BUD31: variants seen among roughly 807,000 people sequenced by gnomAD.
The protein encoded by BUD31 is BUD31 spliceosome associated protein.
A neutral mutation model predicts 17.9 loss-of-function variants in BUD31; 9 were observed. That is an observed-to-expected ratio of 0.50 (90% confidence interval 0.30 to 0.88). BUD31 has a LOEUF of 0.88. Among genes scored for constraint, BUD31 ranks in the 40% least tolerant of loss-of-function variants. The pLI, the probability that BUD31 is intolerant of heterozygous loss-of-function variation, is 0.06. For synonymous variants in BUD31, 70 were observed against 64.7 expected (o/e 1.08, Z -0.39); for missense variants, 148 against 184.5 (o/e 0.80, Z 1.15).
intron 5 of BUD31, chr7:99,418,681 C>G (rs548180327): frequency 1.3e-5 from 2 of 152,502 alleles, no homozygotes; most frequent in African/African-American, 2.4e-5. Flanking sequence ...GGCAGAAGCC[C>G]CCTTCCTCTG....
chr7:99,412,815 G>C (rs955972204), intron 3 of BUD31, among the ~76,000 whole-genome samples: 1 of 151,100 alleles, frequency 6.6e-6, no homozygotes, highest in African/African-American at 2.4e-5. Context: ...TAGAGACGGG[G>C]TTTCACCATG....
At chr7:99,413,341 C>T (rs1437100362) in intron 3 of BUD31, among the ~76,000 whole-genome samples, 3 of 152,178 alleles carry the variant, frequency 2.0e-5, no homozygotes, top group Non-Finnish European at 4.4e-5. Flanking sequence ...GTATGAGTGC[C>T]ACCTGATCCT....
chr7:99,411,645 T>C (rs935697747), intron 3 of BUD31: 23 of 453,228 alleles, frequency 5.1e-5, no homozygotes, highest in Non-Finnish European at 9.3e-5. Context: ...AAATTTTATC[T>C]GAAGCCACAA....
chr7:99,419,052 A>C, intron 5 of BUD31: 3 of 312,324 alleles, frequency 9.6e-6, no homozygotes. Flanking sequence ...AAACAGTAGC[A>C]GAGCCACGTC....
Position 99,417,418 on chromosome 7 carries a change from C to G in BUD31, c.218-11C>G, listed in dbSNP as rs781370378. On this transcript the variant is annotated splice_polypyrimidine_tract_variant and intron_variant, in intron 4 of 5. Transcript: ENST00000222969. ...CCATGGCCTGATGCTCTTTCCCCAT[C>G]TTTTTGACAGAACTCTATGAATATT... is the stretch of plus-strand genomic sequence containing the variant. The G allele has an allele frequency of 6.2e-7, 1 of 1,613,458 alleles. No homozygotes were observed. Among genetic ancestry groups the G allele is most frequent in the East Asian group, 2.2e-5 (1 of 44,890 alleles).
chr7:99,410,825 G>T (rs1282394192), intron 2 of BUD31, among the ~76,000 whole-genome samples: 2 of 152,218 alleles, frequency 1.3e-5, no homozygotes, highest in East Asian at 3.8e-4. Context: ...ACATAAGGTA[G>T]CTTCCATTAT....
At chr7:99,414,744 C>T (rs1280278593) in intron 3 of BUD31, among the ~76,000 whole-genome samples, 4 of 151,984 alleles carry the variant, frequency 2.6e-5, no homozygotes, top group South Asian at 4.2e-4. Context: ...TACAGGCATG[C>T]GCCACCATGC....
At chr7:99,410,986 C>T (rs1795158761) in intron 2 of BUD31, 78 bp from the exon 3 acceptor site, 12 of 908,052 alleles carry the variant, frequency 1.3e-5, no homozygotes. Flanking sequence ...TCAAGGAAGT[C>T]AGCCTGTACC....
At chr7:99,418,057 T>G in intron 5 of BUD31, 1 of 1,014,930 alleles carries the variant, frequency 9.9e-7, no homozygotes, top group South Asian at 2.3e-5. Flanking sequence ...AACCTCCACC[T>G]CCCGGGTTCA....
chr7:99,414,573 A>C (rs1231505170), intron 3 of BUD31, among the ~76,000 whole-genome samples: 1 of 152,082 alleles, frequency 6.6e-6, no homozygotes, highest in Non-Finnish European at 1.5e-5. Flanking sequence ...GTGTTGTAGA[A>C]TATATCAGTA....
chr7:99,410,561 TACTC>T (rs1795139711), intron 2 of BUD31, among the ~76,000 whole-genome samples: 1 of 152,018 alleles, frequency 6.6e-6, no homozygotes, highest in Non-Finnish European at 1.5e-5. Context: ...CCTTTTTAAA[TACTC>T]ACCCCCATGG....
rs1475834882 is a variant in BUD31, at chr7:99,416,164, A to C, written c.121A>C (p.Arg41=). 6 of 1,613,872 alleles carry C rather than the reference A, an allele frequency of 3.7e-6. No individual in the cohort carries two copies. The African/African-American group carries it at 8.0e-5, about 22-fold the overall frequency. The change falls in exon 4 of 6, where the codon AGG becomes CGG. Residue 41 remains arginine (R), a synonymous_variant. Coordinates refer to ENST00000222969, the MANE Select transcript of BUD31 (RefSeq NM_003910.4). The part of the protein sequence containing the change: ...EAETEPHEGK[R]KVESLWPIFR... The stretch of plus-strand genomic sequence containing the variant: ...TGAAACAGAACCGCATGAGGGAAAG[A>C]GGAAAGTGGAATCTCTGTGGCCCAT...
intron 4 of BUD31, 40 bp from the exon 5 acceptor site, chr7:99,417,389 T>TA (rs771849619): frequency 1.2e-5 from 20 of 1,606,198 alleles, no homozygotes; most frequent in Non-Finnish European, 8.5e-7. Context: ...GGAAGGTTTT[T>TA]AGACCATGGC....
intron 3 of BUD31, among the ~76,000 whole-genome samples, chr7:99,414,116 T>G (rs1795292129): frequency 6.6e-6 from 1 of 152,116 alleles, no homozygotes. Context: ...CAATTATGTT[T>G]AAATTACTTA....
chr7:99,419,145 G>A (rs1460485911), intron 5 of BUD31: 1 of 553,052 alleles, frequency 1.8e-6, no homozygotes, highest in Non-Finnish European at 3.2e-6. Context: ...ATTGGCAAAC[G>A]TGTGTTGGAT....
At chr7:99,419,131 C>CTTGA in intron 5 of BUD31, 1 of 540,350 alleles carries the variant, frequency 1.9e-6, no homozygotes, top group South Asian at 2.1e-5. Flanking sequence ...ATTTCTTTTT[C>CTTGA]TTGATTGGCA....
intron 3 of BUD31, among the ~76,000 whole-genome samples, chr7:99,415,589 G>T (rs1795390471): frequency 6.6e-6 from 1 of 152,032 alleles, no homozygotes; most frequent in Non-Finnish European, 1.5e-5. Context: ...CCGGGGAAAG[G>T]GAGATTCCCT....
intron 4 of BUD31, chr7:99,416,940 C>T (rs969752344): frequency 6.2e-6 from 1 of 162,402 alleles, no homozygotes; most frequent in Non-Finnish European, 1.4e-5. Context: ...TTTCTTAACT[C>T]AAATGATCCT....
rs926826679 is a variant in BUD31 at position 99,418,007 on chromosome 7, G to A, written c.384+412G>A. 14 of 1,157,640 alleles carry A rather than the reference G, an allele frequency of 1.2e-5. No individual in the cohort carries two copies. The African/African-American group carries it at 2.0e-4, about 16-fold the overall frequency. 71.7% of individuals were successfully genotyped at this position (1,157,640 alleles called of 1,614,324 possible). The stretch of plus-strand genomic sequence containing the variant: ...CCCCAAGACGGAGTCTTGCTTTGTC[G>A]CCCAGGCTGGAGTGCAGTGATGCCA... On this transcript the variant is annotated intron_variant, in intron 5 of 5. Transcript: ENST00000222969.
Sources: gnomAD v4.1 joint callset for allele counts (sites outside exome capture counted in the v4.1 genomes callset) on GRCh38, gnomAD v4.1.1 for gene constraint, MANE v1.5 for transcripts, NCBI Gene and HGNC (gene_info 2026-07-23, HGNC 2026-07-21) for gene names.